Variants in PDZD7 observed in about 807,000 individuals in gnomAD.
The protein encoded by PDZD7 is PDZ domain containing 7, also known as PDZ domain-containing protein 7.
PDZD7 carries 72 observed loss-of-function variants against 84.7 expected under a neutral mutation model. The observed-to-expected ratio is 0.85, with a 90% confidence interval of 0.70 to 1.03. PDZD7 has a LOEUF of 1.03. PDZD7 is among the 50% of genes least tolerant of loss of function. The pLI is 0.00. For missense variants in PDZD7, 1,490 were observed against 1,412.9 expected, an observed-to-expected ratio of 1.05 and a Z score of -0.87; for synonymous variants, 594 against 580.7, an observed-to-expected ratio of 1.02 and a Z score of -0.33.
rs772930835 is a variant in PDZD7, at chr10:101,018,132, C to T, written c.1489G>A (p.Ala497Thr). ...EAWTLDSGSL[A>T]KTYPRLDIEK... Reference sequence around the variant, plus strand: ...ATGTCCAGGCGAGGGTAAGTTTTGGCCAGGCTCCCGCTGTCCAGTGTCCAG... The same window carrying T: ...ATGTCCAGGCGAGGGTAAGTTTTGGTCAGGCTCCCGCTGTCCAGTGTCCAG... Residue 497 changes from alanine to threonine, a missense_variant, in exon 9 of 17, where the codon GCC becomes ACC. Coordinates refer to ENST00000619208, the MANE Select transcript of PDZD7 (RefSeq NM_001195263.2). 6.2e-7 allele frequency: 1 copy of T among 1,614,182 alleles called. No individual in the cohort carries two copies. Among genetic ancestry groups the T allele is most frequent in the Non-Finnish European group, 8.5e-7 (1 of 1,180,026 alleles).
chr10:101,010,117 C>T (rs750239295), intron 15 of PDZD7, among the ~76,000 whole-genome samples, 155 bp downstream of exon 15: 302 of 152,220 alleles, frequency 2.0e-3, no homozygotes, highest in Non-Finnish European at 2.7e-3. Flanking sequence ...CTAGTCTTGA[C>T]CTCCTGACCT....
chr10:101,027,550 C>T (rs1431657099), intron 2 of PDZD7, among the ~76,000 whole-genome samples: 1 of 152,118 alleles, frequency 6.6e-6, no homozygotes, highest in South Asian at 2.1e-4. Context: ...GGAATTCCTT[C>T]GCTTTACCAC....
Position 101,015,622 on chromosome 10 carries a change from G to A in PDZD7, c.1749+14C>T. 6.5e-7 allele frequency: 1 copy of A among 1,549,126 alleles called. No homozygotes were observed. The highest frequency in any genetic ancestry group is 1.4e-5 in the African/African-American group (1 of 73,136). On this transcript the variant is annotated intron_variant, in intron 11 of 16. Coordinates refer to ENST00000619208, the MANE Select transcript of PDZD7 (RefSeq NM_001195263.2). ...GGACCGTGTGCCAGGGCTGCGGATG[G>A]GATGAAGGCTTACCCGGGAGCAGTG...
In PDZD7 at chr10:101,011,924, C is replaced by T. The variant is rs1273179558; in HGVS notation, c.1933+1G>A. The T allele has an allele frequency of 1.8e-5, 28 of 1,550,028 alleles. No homozygotes were observed. The highest frequency in any genetic ancestry group is 2.4e-5 in the Non-Finnish European group (28 of 1,146,990). On this transcript the variant is annotated splice_donor_variant, in intron 13 of 16. Coordinates refer to ENST00000619208, the MANE Select transcript of PDZD7 (RefSeq NM_001195263.2). LOFTEE classifies it high-confidence loss of function. ...CAGAAGCCCCGCCCCCCACTGCTGA[C>T]CTGCCCTGCTCTTGAGGGCCTCAAA...
intron 2 of PDZD7, among the ~76,000 whole-genome samples, chr10:101,025,749 G>C (rs944626568): frequency 2.9e-4 from 44 of 149,458 alleles, no homozygotes; most frequent in Non-Finnish European, 1.5e-4. Flanking sequence ...GGGTTTCACC[G>C]TGTTGGCCAG....
At position 101,011,757 on chromosome 10, in the gene PDZD7, C is replaced by T; in HGVS notation, c.1938G>A (p.Arg646=). 1 of 1,549,354 alleles carries T rather than the reference C, an allele frequency of 6.5e-7. No homozygotes were observed. Among genetic ancestry groups the T allele is most frequent in the Non-Finnish European group, 8.7e-7 (1 of 1,146,992 alleles). ...AFEALKSRAV[R]PPALRPARQD... Reference sequence around the variant, plus strand: ...GCCGGGCTGGTCTCAAAGCAGGAGGCCGGACTGGTTGGAGAGATGAACAGG... The same window carrying T: ...GCCGGGCTGGTCTCAAAGCAGGAGGTCGGACTGGTTGGAGAGATGAACAGG... Residue 646 remains arginine, a synonymous_variant, in exon 14 of 17, where the codon CGG becomes CGA. Transcript: ENST00000619208.
Position 101,018,903 on chromosome 10 carries a change from A to T in PDZD7, c.1243T>A (p.Ser415Thr). The T allele has an allele frequency of 1.2e-6, 2 of 1,605,002 alleles. No homozygotes were observed. Among genetic ancestry groups the T allele is most frequent in the Non-Finnish European group, 1.7e-6 (2 of 1,176,424 alleles). The change falls in exon 8 of 17, where the codon TCT becomes ACT. Residue 415 changes from serine (S) to threonine (T), a missense_variant. Transcript: ENST00000619208. ...GCCAGCAGCAAAGCCGTCTTGGGAG[A>T]CTCAGAGAGCGCAGAGTCAAGGCGG... ...GRRLDSALSESPKTALLLALS... is the reference protein window; with the variant it reads ...GRRLDSALSETPKTALLLALS...
intron 11 of PDZD7, among the ~76,000 whole-genome samples, chr10:101,012,879 T>C (rs1032174041): frequency 1.3e-5 from 2 of 152,204 alleles, no homozygotes; most frequent in Non-Finnish European, 2.9e-5. Flanking sequence ...ATCAGTTCCC[T>C]TGGAGGGGGG....
Position 101,008,749 on chromosome 10 carries a change from C to A in PDZD7, c.2820G>T (p.Arg940=). The part of the protein sequence containing the change: ...TIRRAYRNKA[R]EPMELVVRVP... ...CCCTGACCACAAGCTCCATGGGCTC[C>A]CGGGCCTTGTTTCGATAAGCCCGAC... Residue 940 remains arginine (R), a synonymous_variant, in exon 17 of 17, where the codon CGG becomes CGT. Transcript: ENST00000619208. 1 of 1,535,876 alleles carries A rather than the reference C, an allele frequency of 6.5e-7. No individual in the cohort carries two copies. The highest frequency in any genetic ancestry group is 8.7e-7 in the Non-Finnish European group (1 of 1,146,754).
intron 10 of PDZD7, 60 bp downstream of exon 10, chr10:101,016,317 T>C (rs1167280475): frequency 3.5e-5 from 53 of 1,525,774 alleles, no homozygotes; most frequent in Non-Finnish European, 4.6e-5. Context: ...GCCCCCAGTA[T>C]GCACCCTCAT....
Position 101,023,517 on chromosome 10 carries a change from G to A in PDZD7, c.461C>T (p.Thr154Ile), listed in dbSNP as rs1853247124. ...CATCATGTGCAGGCGGCTGCTGCTG[G>A]TCAGCACCTTTACGGCGCTACCCAT... ...TTMGSAVKVLTSSSRLHMMVR... is the reference protein window; with the variant it reads ...TTMGSAVKVLISSSRLHMMVR... The change falls in exon 4 of 17, where the codon ACC (threonine) becomes ATC (isoleucine). Residue 154 changes from threonine (T) to isoleucine (I), a missense_variant. Coordinates refer to ENST00000619208, the MANE Select transcript of PDZD7 (RefSeq NM_001195263.2). 3 of 1,614,108 alleles carry A rather than the reference G, an allele frequency of 1.9e-6. No individual in the cohort carries two copies. The highest frequency in any genetic ancestry group is 3.3e-5 in the Admixed American group (2 of 60,022).
rs558331093 is a variant in PDZD7 at position 101,010,977 on chromosome 10, C to G, written c.2006-94G>C. On this transcript the variant is annotated intron_variant, in intron 14 of 16. Transcript: ENST00000619208. ...GTGTGGGGCCTGTGAGAGCCAGGCC[C>G]GAGTTTGTTCAGGCACCACTGCAGT... 16 of 1,525,834 alleles carry G rather than the reference C, an allele frequency of 1.0e-5. No individual in the cohort carries two copies. The East Asian group carries it at 3.4e-4, about 33-fold the overall frequency. 94.5% of individuals were successfully genotyped at this position (1,525,834 alleles called of 1,614,324 possible). A position where few individuals can be genotyped will look rare whatever the true frequency, so the allele number is the denominator to read the frequency against.
rs1378060521 is a variant in PDZD7 at position 101,030,029 on chromosome 10, A to C, written c.191T>G (p.Met64Arg). The C allele has an allele frequency of 2.0e-6, 3 of 1,469,596 alleles. No homozygotes were observed. Among genetic ancestry groups the C allele is most frequent in the Non-Finnish European group, 2.7e-6 (3 of 1,091,438 alleles). 91.0% of individuals were successfully genotyped at this position (1,469,596 alleles called of 1,614,324 possible). Reference protein sequence around the residue: ...PPRGIRASSPMGRVILINSPI... With the variant: ...PPRGIRASSPRGRVILINSPI... ...GGAGTTGATGAGGATGACGCGTCCCATGGGCGATGAGGCTCGGATTCCGCG... is the reference window on the plus strand; with the variant it reads ...GGAGTTGATGAGGATGACGCGTCCCCTGGGCGATGAGGCTCGGATTCCGCG... The change falls in exon 2 of 17, where the codon ATG becomes AGG. Residue 64 changes from methionine to arginine, a missense_variant. Coordinates refer to ENST00000619208, the MANE Select transcript of PDZD7 (RefSeq NM_001195263.2).
Position 101,011,687 on chromosome 10 carries a change from G to T in PDZD7, c.2005+3C>A. The T allele has an allele frequency of 6.5e-7, 1 of 1,537,986 alleles. No individual in the cohort carries two copies. Among genetic ancestry groups the T allele is most frequent in the South Asian group, 1.2e-5 (1 of 84,010 alleles). ...CTCCCTGGGCTCTGGGACTCTGACTGACCAGGCACGGGGGTGATAAGGTGA... is the reference window on the plus strand; with the variant it reads ...CTCCCTGGGCTCTGGGACTCTGACTTACCAGGCACGGGGGTGATAAGGTGA... On this transcript the variant is annotated splice_donor_region_variant and intron_variant, in intron 14 of 16. Transcript: ENST00000619208.
At position 101,016,366 on chromosome 10, in the gene PDZD7, G is replaced by A; in HGVS notation, c.1573+11C>T. 1.3e-6 allele frequency: 2 copies of A among 1,550,534 alleles called. No individual in the cohort carries two copies. Among genetic ancestry groups the A allele is most frequent in the Admixed American group, 2.0e-5 (1 of 51,008 alleles). ...GTAAACTAGGCCTTGGTAAAGGGAT[G>A]CATGAATTACCACGTCTCAGTCTCC... On this transcript the variant is annotated intron_variant, in intron 10 of 16. Coordinates refer to ENST00000619208, the MANE Select transcript of PDZD7 (RefSeq NM_001195263.2).
intron 2 of PDZD7, 114 bp from the exon 3 acceptor site, chr10:101,024,182 C>T: frequency 1.4e-6 from 2 of 1,444,092 alleles, no homozygotes; most frequent in Non-Finnish European, 1.9e-6. Context: ...GTCACACAGG[C>T]ACGTAGGGGC....
chr10:101,009,597 GTCTTT>G (rs1852322620), intron 15 of PDZD7, among the ~76,000 whole-genome samples: 1 of 114,916 alleles, frequency 8.7e-6, no homozygotes, highest in Admixed American at 9.8e-5. Flanking sequence ...TTGAGACAGA[GTCTTT>G]TTTTTTTTTT....
chr10:101,008,779 G>A lies in PDZD7; in HGVS notation c.2790C>T (p.Thr930=), dbSNP rs1852298314. The A allele has an allele frequency of 2.0e-6, 3 of 1,534,976 alleles. No homozygotes were observed. The highest frequency in any genetic ancestry group is 2.4e-5 in the East Asian group (1 of 40,882). Residue 930 remains threonine, a synonymous_variant, in exon 17 of 17, where the codon ACC becomes ACT. Transcript: ENST00000619208. ...EQVTHQRAVD[T]IRRAYRNKAR... ...CCTTGTTTCGATAAGCCCGACGGAT[G>A]GTGTCTACTGCACGCTGGTGGGTCA...
chr10:101,011,784 C>T (rs894211090), intron 13 of PDZD7, 23 bp from the exon 14 acceptor site: 11 of 1,550,406 alleles, frequency 7.1e-6, no homozygotes, highest in Non-Finnish European at 9.6e-6. Flanking sequence ...ATGAACAGGT[C>T]AGCGGCAAGG....
Sources: allele counts gnomAD v4.1 joint callset (sites outside exome capture counted in the v4.1 genomes callset), GRCh38; gene constraint gnomAD v4.1.1; transcripts MANE v1.5; gene names NCBI Gene and HGNC (gene_info 2026-07-23, HGNC 2026-07-21).